Variants in TREM1 observed in about 807,000 individuals in gnomAD.
TREM1 encodes the protein triggering receptor expressed on monocytes 1.
TREM1 carries 16 observed loss-of-function variants against 22.4 expected under a neutral mutation model. The ratio of observed to expected loss-of-function variants is 0.71; its 90% CI spans 0.48 to 1.08. The LOEUF is 1.08. Among genes scored for constraint, TREM1 ranks in the 50% least tolerant of loss-of-function variants. The pLI, the probability that TREM1 is intolerant of heterozygous loss-of-function variation, is 0.00. For missense variants in TREM1, 283 were observed against 282.9 expected, an observed-to-expected ratio of 1.00 and a Z score of 0.00; for synonymous variants, 110 against 111.6, an observed-to-expected ratio of 0.99 and a Z score of 0.09.
downstream of TREM1, among the ~76,000 whole-genome samples, chr6:41,267,460 A>G (rs148020941): frequency 4.6e-5 from 7 of 152,362 alleles, no homozygotes; most frequent in African/African-American, 1.4e-4. Context: ...AAAGCACACA[A>G]AATCAATTCT....
chr6:41,280,700 C>T (rs1767870948), intron 3 of TREM1: 2 of 1,424,436 alleles, frequency 1.4e-6, no homozygotes, highest in South Asian at 1.5e-5. Context: ...GGGGAAGATG[C>T]CATTTCCCTC....
rs115084255 is a variant in TREM1, at chr6:41,281,626, T to A, written c.407-473A>T. The A allele has an allele frequency of 5.0e-3, 808 of 162,800 alleles. 4 individuals carry two copies. Among genetic ancestry groups the A allele is most frequent in the African/African-American group, 0.018 (761 of 41,676 alleles). The allele number at this position is 162,800 out of a possible 1,614,324, so 10.1% of individuals were successfully genotyped here. A position where few individuals can be genotyped will look rare whatever the true frequency, so the allele number is the denominator to read the frequency against. On this transcript the variant is annotated intron_variant, in intron 2 of 3. Coordinates refer to ENST00000244709, the MANE Select transcript of TREM1 (RefSeq NM_018643.5). ...ATTAATATATTGTGTGTGCACCTTGTCTTCCTCAGGCTTAGAATTCCCCAG... is the reference window on the plus strand; with the variant it reads ...ATTAATATATTGTGTGTGCACCTTGACTTCCTCAGGCTTAGAATTCCCCAG...
intron 1 of TREM1, among the ~76,000 whole-genome samples, chr6:41,282,963 T>C (rs1767999789): frequency 7.7e-6 from 1 of 129,252 alleles, no homozygotes; most frequent in Non-Finnish European, 1.7e-5. Context: ...TATAAGAGAC[T>C]GCATATGGTG....
chr6:41,282,762 G>A lies in TREM1; in HGVS notation c.50-11C>T, dbSNP rs547649033. 60 of 1,602,190 alleles carry A rather than the reference G, an allele frequency of 3.7e-5. No individual in the cohort carries two copies. In the South Asian group the frequency reaches 6.0e-4, roughly 16 times the overall value. ...TTGCAGCTCGGAGTTCTATAAGCAG[G>A]GAAAGAGAATGGGTTCTGTGAGGAA... On this transcript the variant is annotated splice_polypyrimidine_tract_variant and intron_variant, in intron 1 of 3. Coordinates refer to ENST00000244709, the MANE Select transcript of TREM1 (RefSeq NM_018643.5).
At chr6:41,286,555 C>A in intron 1 of TREM1, 52 bp downstream of exon 1, 1 of 1,606,330 alleles carries the variant, frequency 6.2e-7, no homozygotes, top group Non-Finnish European at 8.5e-7. Flanking sequence ...AAAGGGCTCC[C>A]CGAGATCCTG....
chr6:41,279,067 A>G (rs1767789795), intron 3 of TREM1, among the ~76,000 whole-genome samples: 1 of 152,252 alleles, frequency 6.6e-6, no homozygotes, highest in South Asian at 2.1e-4. Flanking sequence ...TACTCTCCCT[A>G]CAGCCCTCCC....
chr6:41,284,159 G>C (rs532792601), intron 1 of TREM1, among the ~76,000 whole-genome samples: 4 of 151,354 alleles, frequency 2.6e-5, no homozygotes, highest in African/African-American at 9.7e-5. Flanking sequence ...AGCAATTTTT[G>C]CTCCCCGCCA....
At chr6:41,271,412 C>T (rs1767476906), downstream of TREM1, among the ~76,000 whole-genome samples, 1 of 152,142 alleles carries the variant, frequency 6.6e-6, no homozygotes, top group Admixed American at 6.5e-5. Context: ...AGGATTTGCC[C>T]CAGCCCTGTC....
intron 3 of TREM1, among the ~76,000 whole-genome samples, chr6:41,278,057 G>T (rs1179586791): frequency 1.3e-5 from 2 of 151,634 alleles, no homozygotes; most frequent in South Asian, 4.2e-4. Flanking sequence ...GAGTAGCTGG[G>T]ACCATGGGTG....
chr6:41,286,087 C>G (rs888014559), intron 1 of TREM1, among the ~76,000 whole-genome samples: 3 of 152,192 alleles, frequency 2.0e-5, no homozygotes, highest in Non-Finnish European at 2.9e-5. Context: ...ACTGTGCCCT[C>G]CAACCCCAGC....
intron 3 of TREM1, chr6:41,280,634 A>G: frequency 7.3e-7 from 1 of 1,363,170 alleles, no homozygotes; most frequent in Non-Finnish European, 9.5e-7. Context: ...CCTCACTCAG[A>G]GTGCTTTCCC....
At position 41,282,531 on chromosome 6, in the gene TREM1, G is replaced by T; in HGVS notation, c.270C>A (p.Tyr90Ter). The T allele has an allele frequency of 6.2e-7, 1 of 1,614,154 alleles. No individual in the cohort carries two copies. The highest frequency in any genetic ancestry group is 8.5e-7 in the Non-Finnish European group (1 of 1,180,028). ...VQVGRIILED[Y>*]HDHGLLRVRM... is the part of the protein sequence containing the mutation. The stretch of plus-strand genomic sequence containing the variant: ...GGACGCGCAGTAAACCATGATCATG[G>T]TAGTCTTCTAGTATGATCCTCCCCA... The change falls in exon 2 of 4, where the codon TAC (tyrosine) becomes TAA (stop). Residue 90 changes from tyrosine to a stop codon, truncating the protein, a stop_gained. Coordinates refer to ENST00000244709, the MANE Select transcript of TREM1 (RefSeq NM_018643.5). LOFTEE classifies it high-confidence loss of function.
intron 2 of TREM1, chr6:41,281,948 A>G (rs1273806748): frequency 6.0e-6 from 1 of 166,476 alleles, no homozygotes; most frequent in East Asian, 1.7e-4. Context: ...ATCACCTGGG[A>G]GATCAATAGA....
rs529910592 is a variant in TREM1 at position 41,276,329 on chromosome 6, T to A, written c.600-99A>T. On this transcript the variant is annotated intron_variant, in intron 3 of 3. Coordinates refer to ENST00000244709, the MANE Select transcript of TREM1 (RefSeq NM_018643.5). ...GCCTTCATGTCCCACTCTCCTCTGC[T>A]TAGATCCTTGCTCCACCTTTCCCGC... 73 of 838,224 alleles carry A rather than the reference T, an allele frequency of 8.7e-5. 1 individual carries two copies. The African/African-American group carries it at 1.1e-3, about 12-fold the overall frequency. The allele number at this position is 838,224 out of a possible 1,614,324, so 51.9% of individuals were successfully genotyped here.
chr6:41,276,206 A>G lies in TREM1; in HGVS notation c.624T>C (p.Ile208=), dbSNP rs774832307. 2 of 1,614,056 alleles carry G rather than the reference A, an allele frequency of 1.2e-6. No individual in the cohort carries two copies. Among genetic ancestry groups the G allele is most frequent in the Non-Finnish European group, 1.7e-6 (2 of 1,180,000 alleles). ...TACTCAGGAATCCACCAGCCAGGAGAATGACAATGTTGAACACCGGAACCC... is the reference window on the plus strand; with the variant it reads ...TACTCAGGAATCCACCAGCCAGGAGGATGACAATGTTGAACACCGGAACCC... ...IIRVPVFNIV[I]LLAGGFLSKS... The change falls in exon 4 of 4, where the codon ATT becomes ATC. Residue 208 remains isoleucine, a synonymous_variant. Transcript: ENST00000244709.
downstream of TREM1, among the ~76,000 whole-genome samples, chr6:41,273,334 G>T (rs2803511): frequency 6.6e-6 from 1 of 152,092 alleles, no homozygotes; most frequent in Non-Finnish European, 1.5e-5. Context: ...TATCCCCCTA[G>T]AATTCCCTTG....
chr6:41,279,439 CTCCT>C (rs1442627217), intron 3 of TREM1: 1 of 833,028 alleles, frequency 1.2e-6, no homozygotes, highest in Non-Finnish European at 1.4e-6. Flanking sequence ...ACTTAAGGCC[CTCCT>C]TCCGGTAAAA....
downstream of TREM1, among the ~76,000 whole-genome samples, chr6:41,272,117 C>T (rs568204982): frequency 3.3e-5 from 5 of 152,320 alleles, no homozygotes; most frequent in East Asian, 7.7e-4. Flanking sequence ...ATTGACAAAC[C>T]TTGGGGGAAG....
downstream of TREM1, chr6:41,267,779 G>C (rs1767369773): frequency 5.1e-6 from 2 of 392,216 alleles, no homozygotes; most frequent in Admixed American, 4.4e-5. Context: ...GAGTGGTAAA[G>C]TGTTTCCTTT....
Sources: gnomAD v4.1 joint callset for allele counts (sites outside exome capture counted in the v4.1 genomes callset) on GRCh38, gnomAD v4.1.1 for gene constraint, MANE v1.5 for transcripts, NCBI Gene and HGNC (gene_info 2026-07-23, HGNC 2026-07-21) for gene names.